DMD: variants seen among roughly 807,000 people sequenced by gnomAD.
The protein encoded by DMD is mutant dystrophin.
In DMD, 63 loss-of-function variants were observed where a neutral mutation model predicts 330.1. The observed-to-expected ratio is 0.19, with a 90% CI of 0.16 to 0.24. DMD has a LOEUF of 0.24. Ranked by LOEUF, DMD falls within the 10% of genes least tolerant of loss-of-function variation. DMD has a pLI of 1.00. For synonymous variants in DMD, 1,223 were observed against 959.8 expected (o/e 1.27, Z -5.07); for missense variants, 3,344 against 2,684.1 (o/e 1.25, Z -5.43).
intron 7 of DMD, among the ~76,000 whole-genome samples, chrX:32,751,156 G>A (rs746930976): frequency 8.9e-5 from 10 of 111,841 alleles, no homozygotes; most frequent in East Asian, 8.4e-4. Flanking sequence ...GAAAAGACAC[G>A]TGAAAATGTG....
Position 31,379,989 on chromosome X carries a change from T to C in DMD, c.9085-31355A>G, listed in dbSNP as rs766338515. ...TGGCTGAAGACTGACGCTGCCCGAT[T>C]GCCTCAGAAGCCCCCTAGACCATCA... On this transcript the variant is annotated intron_variant, in intron 60 of 78. Transcript: ENST00000357033. 1.4e-4 allele frequency among the ~76,000 whole-genome samples: 16 copies of C among 111,613 alleles called. 1 individual carries two copies. The South Asian group carries it at 4.6e-3, about 32-fold the overall frequency.
rs368269067 is a variant in DMD, at chrX:32,786,086, A to AGTGTGTGTGTGTGTGT, written c.649+23391_649+23406dup. On this transcript the variant is annotated intron_variant, in intron 7 of 78. Coordinates refer to ENST00000357033, the MANE Select transcript of DMD (RefSeq NM_004006.3). ...CTCTTGCCTCTTGAGGAGGAATAAG[A>AGTGTGTGTGTGTGTGT]GTGTGTGTGTGTGTGTGTGTGTGTG... 1.1e-3 allele frequency among the ~76,000 whole-genome samples: 107 copies of AGTGTGTGTGTGTGTGT among 96,565 alleles called. 1 individual carries two copies. The highest frequency in any genetic ancestry group is 3.4e-3 in the African/African-American group (89 of 25,830). 83.9% of individuals were successfully genotyped at this position (96,565 alleles called of 115,157 possible).
At chrX:32,769,916 G>A (rs760370489) in intron 7 of DMD, among the ~76,000 whole-genome samples, 4 of 111,390 alleles carry the variant, frequency 3.6e-5, no homozygotes, top group Non-Finnish European at 7.5e-5. Context: ...CTAGGACAGT[G>A]GCAAAGTTTT....
At chrX:32,651,802 AAC>A (rs1489527926) in intron 9 of DMD, among the ~76,000 whole-genome samples, 11 of 112,548 alleles carry the variant, frequency 9.8e-5, no homozygotes, top group African/African-American at 3.6e-4. Context: ...ACATAATTTT[AAC>A]AGTTTTTTAA....
At chrX:31,175,559 A>T (rs2040425482) in intron 71 of DMD, among the ~76,000 whole-genome samples, 1 of 111,082 alleles carries the variant, frequency 9.0e-6, no homozygotes, top group Non-Finnish European at 1.9e-5. Context: ...TACTGGTCAG[A>T]GATGAATCAT....
intron 44 of DMD, among the ~76,000 whole-genome samples, chrX:32,152,451 G>A (rs2096809220): frequency 9.0e-6 from 1 of 111,169 alleles, no homozygotes; most frequent in South Asian, 3.8e-4. Context: ...GATGCTCAAG[G>A]GTTTCATTAG....
rs5972615 is a variant in DMD, at chrX:32,587,876, C to T, written c.1602+7881G>A. On this transcript the variant is annotated intron_variant, in intron 13 of 78. Coordinates refer to ENST00000357033, the MANE Select transcript of DMD (RefSeq NM_004006.3). The stretch of plus-strand genomic sequence containing the variant: ...TAAATGCTTTAGCTTCTCAACTACC[C>T]TTTTACCCTTTACAGATATCTGATA... Among the ~76,000 whole-genome samples, 4 of 111,053 alleles carry T rather than the reference C, an allele frequency of 3.6e-5. No homozygotes were observed. In the Admixed American group the frequency reaches 3.8e-4, roughly 11 times the overall value.
At chrX:31,521,380 G>C (rs1204135709) in intron 55 of DMD, among the ~76,000 whole-genome samples, 2 of 110,865 alleles carry the variant, frequency 1.8e-5, no homozygotes, top group Non-Finnish European at 3.8e-5. Context: ...CCAGGCTGGT[G>C]TCGAACTCCT....
At chrX:31,457,580 G>C (rs996578447) in intron 59 of DMD, among the ~76,000 whole-genome samples, 8 of 111,704 alleles carry the variant, frequency 7.2e-5, no homozygotes, top group African/African-American at 1.3e-4. Context: ...AGAAAATGCA[G>C]GACAAAGTAT....
At chrX:32,358,206 T>C (rs774512319) in intron 37 of DMD, among the ~76,000 whole-genome samples, 3 of 111,210 alleles carry the variant, frequency 2.7e-5, no homozygotes, top group African/African-American at 6.5e-5. Flanking sequence ...ACTCCCCTTC[T>C]CCAACTTGGC....
intron 11 of DMD, among the ~76,000 whole-genome samples, chrX:32,629,027 C>G (rs943725638): frequency 8.9e-6 from 1 of 111,785 alleles, no homozygotes; most frequent in African/African-American, 3.2e-5. Context: ...TCTATTAGTT[C>G]AAATTGGTCT....
Position 31,664,664 on chromosome X carries a change from GT to G in DMD, c.7873-6521del, listed in dbSNP as rs57784016. ...TACTCCCTGGGTAGTTGTATCATAAGTTTTTTTTTTTTTTTTTTTAACTTTT... is the reference window on the plus strand; with the variant it reads ...TACTCCCTGGGTAGTTGTATCATAAGTTTTTTTTTTTTTTTTTTAACTTTT... On this transcript the variant is annotated intron_variant, in intron 53 of 78. Transcript: ENST00000357033. 3.6e-3 allele frequency among the ~76,000 whole-genome samples: 294 copies of G among 82,202 alleles called. 2 individuals are homozygous for G. The highest frequency in any genetic ancestry group is 0.015 in the South Asian group (23 of 1,536). The allele number at this position is 82,202 out of a possible 115,157, so 71.4% of individuals were successfully genotyped here.
chrX:32,994,760 A>G (rs2093071596), intron 2 of DMD, among the ~76,000 whole-genome samples: 1 of 112,037 alleles, frequency 8.9e-6, no homozygotes, highest in African/African-American at 3.2e-5. Context: ...TGTTTCTGTA[A>G]TATATTCATA....
chrX:31,281,302 G>T (rs1011943399), intron 62 of DMD, among the ~76,000 whole-genome samples: 4 of 111,448 alleles, frequency 3.6e-5, no homozygotes, highest in Non-Finnish European at 5.6e-5. Context: ...TCTCAAAAGA[G>T]AACTTGAAAA....
At chrX:32,893,276 A>G (rs2085382951) in intron 2 of DMD, among the ~76,000 whole-genome samples, 1 of 111,857 alleles carries the variant, frequency 8.9e-6, no homozygotes, top group African/African-American at 3.3e-5. Flanking sequence ...TGCTTCCTTA[A>G]CATAAGCTGA....
At chrX:32,002,610 G>GT (rs894060712) in intron 44 of DMD, among the ~76,000 whole-genome samples, 3 of 109,873 alleles carry the variant, frequency 2.7e-5, no homozygotes, top group African/African-American at 6.6e-5. Context: ...TGGGGTCTTA[G>GT]TTTTTTTTTA....
chrX:32,693,299 A>G lies in DMD; in HGVS notation c.960+4571T>C, dbSNP rs745461524. Among the ~76,000 whole-genome samples, 6 of 112,437 alleles carry G rather than the reference A, an allele frequency of 5.3e-5. No homozygotes were observed. In the South Asian group the frequency reaches 2.2e-3, roughly 42 times the overall value. ...TTAAACATCTGAACTAAAGAACTGT[A>G]AAATAATGAATATGTGTTGATTAGG... On this transcript the variant is annotated intron_variant, in intron 9 of 78. Transcript: ENST00000357033.
intron 4 of DMD, among the ~76,000 whole-genome samples, chrX:32,836,430 C>A (rs1199750497): frequency 9.0e-6 from 1 of 111,344 alleles, no homozygotes; most frequent in Non-Finnish European, 1.9e-5. Context: ...CATTTTTAAA[C>A]TGCATACATT....
chrX:33,161,165 T>C (rs2048754933), intron 1 of DMD, among the ~76,000 whole-genome samples: 1 of 112,006 alleles, frequency 8.9e-6, no homozygotes, highest in Non-Finnish European at 1.9e-5. Context: ...TAGATCATCT[T>C]TCTAAGGGAA....
Sources: gnomAD v4.1 joint callset for allele counts (sites outside exome capture counted in the v4.1 genomes callset) on GRCh38, gnomAD v4.1.1 for gene constraint, MANE v1.5 for transcripts, NCBI Gene and HGNC (gene_info 2026-07-23, HGNC 2026-07-21) for gene names.